The following RBFOX1 variants were observed in gnomAD, a reference collection of about 807,000 sequenced individuals.
RBFOX1 encodes the protein RNA binding protein fox-1 homolog 1.
Under a neutral mutation model 57.7 loss-of-function variants are expected in RBFOX1, and 8 were observed. That is an observed-to-expected ratio of 0.14 (90% CI 0.08 to 0.25). The LOEUF (loss-of-function observed/expected upper bound fraction) is 0.25. RBFOX1 is among the 10% of genes least tolerant of loss of function. RBFOX1 has a pLI of 1.00. For synonymous variants in RBFOX1, 326 were observed against 222.4 expected, an observed-to-expected ratio of 1.47 and a Z score of -4.15; for missense variants, 611 against 548.5, an observed-to-expected ratio of 1.11 and a Z score of -1.14.
At chr16:7,528,409 A>G (rs537590339) in intron 5 of RBFOX1, among the ~76,000 whole-genome samples, 1 of 152,330 alleles carries the variant, frequency 6.6e-6, no homozygotes, top group African/African-American at 2.4e-5. Flanking sequence ...TAGACAAAGG[A>G]CTGATGTAAG....
At chr16:5,334,819 C>G (rs574618781) in intron 1 of RBFOX1, among the ~76,000 whole-genome samples, 48 of 151,436 alleles carry the variant, frequency 3.2e-4, no homozygotes, top group African/African-American at 1.2e-3. Flanking sequence ...GGACAATGAC[C>G]ACAGTTGGCC....
At chr16:6,727,735 C>T (rs1041980791) in intron 3 of RBFOX1, among the ~76,000 whole-genome samples, 7 of 152,134 alleles carry the variant, frequency 4.6e-5, no homozygotes, top group Admixed American at 2.6e-4. Flanking sequence ...TGAGTCTCTC[C>T]ATGAAGTACC....
intron 5 of RBFOX1, among the ~76,000 whole-genome samples, chr16:7,559,891 A>G (rs529856703): frequency 1.3e-5 from 2 of 152,240 alleles, no homozygotes; most frequent in Non-Finnish European, 2.9e-5. Context: ...GTCCAAGGTC[A>G]AATAGTTGTC....
intron 3 of RBFOX1, among the ~76,000 whole-genome samples, chr16:5,820,344 A>G (rs555845756): frequency 1.3e-5 from 2 of 152,316 alleles, no homozygotes; most frequent in African/African-American, 4.8e-5. Flanking sequence ...TACTGTCTTT[A>G]TATAAATCCT....
intron 4 of RBFOX1, among the ~76,000 whole-genome samples, chr16:7,214,877 G>A (rs1334023972): frequency 6.6e-6 from 1 of 152,132 alleles, no homozygotes; most frequent in Non-Finnish European, 1.5e-5. Context: ...CACAGTGAAA[G>A]AGTTTTGTTT....
At chr16:5,409,013 C>T (rs1055700429) in intron 1 of RBFOX1, among the ~76,000 whole-genome samples, 3 of 152,180 alleles carry the variant, frequency 2.0e-5, no homozygotes, top group East Asian at 1.9e-4. Context: ...CAAACTGTAT[C>T]GGCGGGTGAA....
intron 4 of RBFOX1, among the ~76,000 whole-genome samples, chr16:7,484,511 G>A (rs1033877103): frequency 3.3e-5 from 5 of 152,312 alleles, no homozygotes; most frequent in Admixed American, 2.6e-4. Context: ...CACCCAGGCT[G>A]TAGTGCACTG....
intron 2 of RBFOX1, among the ~76,000 whole-genome samples, chr16:6,421,789 G>T (rs181356065): frequency 1.3e-5 from 2 of 151,960 alleles, no homozygotes; most frequent in African/African-American, 4.8e-5. Flanking sequence ...CCAGCTCTGT[G>T]CAGTTTTATA....
At chr16:6,737,611 G>A (rs1603482231) in intron 3 of RBFOX1, among the ~76,000 whole-genome samples, 1 of 152,166 alleles carries the variant, frequency 6.6e-6, no homozygotes, top group East Asian at 1.9e-4. Context: ...CATTTGATGT[G>A]AGGGCTTAGC....
intron 3 of RBFOX1, among the ~76,000 whole-genome samples, chr16:5,613,631 A>T (rs2047906829): frequency 6.6e-6 from 1 of 152,092 alleles, no homozygotes; most frequent in African/African-American, 2.4e-5. Context: ...CCATCATTTC[A>T]TGGGGGGAGG....
chr16:7,692,262 G>C (rs150687347), intron 14 of RBFOX1, among the ~76,000 whole-genome samples: 2 of 152,166 alleles, frequency 1.3e-5, no homozygotes, highest in East Asian at 3.9e-4. Context: ...ATATTTTATT[G>C]GTGTAGAAAT....
rs150691526 is a variant in RBFOX1 at position 5,532,050 on chromosome 16, C to T, written c.258+64796C>T. 1.6e-4 allele frequency among the ~76,000 whole-genome samples: 25 copies of T among 152,264 alleles called. No homozygotes were observed. In the East Asian group the frequency reaches 4.6e-3, roughly 28 times the overall value. ...CCTGATCTCAAGTGACTGTCCGCCT[C>T]GACCTCCCAAAGTGCTGGGATTACA... On this transcript the variant is annotated intron_variant, in intron 2 of 2. Coordinates refer to the RBFOX1 transcript ENST00000585867.
chr16:7,258,048 T>C (rs2153053459), intron 4 of RBFOX1, among the ~76,000 whole-genome samples: 1 of 152,358 alleles, frequency 6.6e-6, no homozygotes, highest in South Asian at 2.1e-4. Context: ...GCTTTAGGCA[T>C]TGATCACTGT....
chr16:7,023,228 T>C (rs1374355622), intron 3 of RBFOX1, among the ~76,000 whole-genome samples: 2 of 151,800 alleles, frequency 1.3e-5, no homozygotes, highest in African/African-American at 2.4e-5. Context: ...TATAATCCTA[T>C]CACTTTGGGA....
intron 2 of RBFOX1, among the ~76,000 whole-genome samples, chr16:6,596,862 C>G (rs538463117): frequency 6.6e-6 from 1 of 152,066 alleles, no homozygotes; most frequent in Non-Finnish European, 1.5e-5. Flanking sequence ...AGTGCTATAT[C>G]GAGATAGAGA....
chr16:5,620,717 C>G (rs564947218), intron 3 of RBFOX1, among the ~76,000 whole-genome samples: 22 of 152,312 alleles, frequency 1.4e-4, no homozygotes, highest in African/African-American at 5.3e-4. Context: ...CTCACTCTGT[C>G]TCCCAGGCCA....
intron 2 of RBFOX1, among the ~76,000 whole-genome samples, chr16:6,647,176 A>G (rs1193948642): frequency 6.7e-6 from 1 of 150,250 alleles, no homozygotes; most frequent in Non-Finnish European, 1.5e-5. Context: ...ACGCTACCAG[A>G]GAGAGAGAGA....
chr16:6,166,705 T>A lies in RBFOX1; in HGVS notation c.-127+146713T>A, dbSNP rs530693989. Among the ~76,000 whole-genome samples, 5 of 152,260 alleles carry A rather than the reference T, an allele frequency of 3.3e-5. No homozygotes were observed. The East Asian group carries it at 9.7e-4, about 29-fold the overall frequency. On this transcript the variant is annotated intron_variant, in intron 1 of 15. Transcript: ENST00000550418. Reference sequence around the variant, plus strand: ...TATCATAAGCCCACTTTCACACCAGTTACCTCTTTGGTGGGAGTGGGTTAC... The same window carrying A: ...TATCATAAGCCCACTTTCACACCAGATACCTCTTTGGTGGGAGTGGGTTAC...
chr16:7,038,489 T>C (rs994577248), intron 3 of RBFOX1, among the ~76,000 whole-genome samples: 16 of 152,222 alleles, frequency 1.1e-4, no homozygotes, highest in Non-Finnish European at 1.2e-4. Flanking sequence ...GGTAATGGTT[T>C]ATTATTAGAA....
Sources: gnomAD v4.1 joint callset for allele counts (sites outside exome capture counted in the v4.1 genomes callset) on GRCh38, gnomAD v4.1.1 for gene constraint, MANE v1.5 for transcripts, NCBI Gene and HGNC (gene_info 2026-07-23, HGNC 2026-07-21) for gene names.